GPR6: variants seen among roughly 807,000 people sequenced by gnomAD.
GPR6 encodes G protein-coupled receptor 6, also known as sphingosine 1-phosphate receptor GPR6.
GPR6 carries 14 observed loss-of-function variants against 18.5 expected under a neutral mutation model. The ratio of observed to expected loss-of-function variants is 0.76; its 90% CI spans 0.50 to 1.18. The LOEUF (loss-of-function observed/expected upper bound fraction) is 1.18. GPR6 is among the 50% of genes most tolerant of loss of function. The probability of loss-of-function intolerance (pLI) is 0.00; values close to 1 mark genes in which losing one functional copy is unlikely to be tolerated. For missense variants in GPR6, 477 were observed against 495.9 expected (o/e 0.96, Z 0.36); for synonymous variants, 299 against 240.9 (o/e 1.24, Z -2.23).
rs373934442 is a variant in GPR6 at position 109,979,339 on chromosome 6, A to T, written c.227A>T (p.Asp76Val). The change falls in exon 2 of 2, where the codon GAC (aspartate) becomes GTC (valine). Residue 76 changes from aspartate (D) to valine (V), a missense_variant. Coordinates refer to ENST00000275169, the MANE Select transcript of GPR6 (RefSeq NM_005284.5). ...CTGCTGCCAGCGGTGAATCCGTGGGACGTGCTCCTGTGCGTGTCGGGGACA... is the reference window on the plus strand; with the variant it reads ...CTGCTGCCAGCGGTGAATCCGTGGGTCGTGCTCCTGTGCGTGTCGGGGACA... ...GLLLPAVNPW[D>V]VLLCVSGTVI... is the part of the protein sequence containing the mutation. The T allele has an allele frequency of 5.3e-5, 85 of 1,613,392 alleles. No homozygotes were observed. The highest frequency in any genetic ancestry group is 6.9e-5 in the Non-Finnish European group (82 of 1,179,902).
Position 109,980,241 on chromosome 6 carries a change from A to G in GPR6, c.*40A>G. 4 of 1,611,162 alleles carry G rather than the reference A, an allele frequency of 2.5e-6. No individual in the cohort carries two copies. Among genetic ancestry groups the G allele is most frequent in the Non-Finnish European group, 3.4e-6 (4 of 1,179,046 alleles). ...GTCCTCTCACCAACACCACACCCCA[A>G]CAAGCCAGCCTTTGGTAAGCTCGGT... On this transcript the variant is annotated 3_prime_UTR_variant, in exon 2 of 2. Transcript: ENST00000275169.
Position 109,980,195 on chromosome 6 carries a change from G to A in GPR6, c.1083G>A (p.Glu361=), listed in dbSNP as rs775618208. 6 of 1,614,188 alleles carry A rather than the reference G, an allele frequency of 3.7e-6. No homozygotes were observed. The highest frequency in any genetic ancestry group is 5.1e-6 in the Non-Finnish European group (6 of 1,180,036). The change falls in exon 2 of 2, where the codon GAG becomes GAA. Residue 361 remains glutamate, a synonymous_variant. Transcript: ENST00000275169. The part of the protein sequence containing the change: ...KVPFRSRSPS[E]V ...CCTTTCGTTCCAGGTCTCCCAGCGA[G>A]GTCTGAAGGGCTCGCCCCGTGTCCT...
Position 109,978,462 on chromosome 6 carries a change from C to T in GPR6, c.-24C>T. On this transcript the variant is annotated 5_prime_UTR_variant, in exon 1 of 2. Transcript: ENST00000275169. ...CCAGCGACTTCCAGAAGTCCTGACG[C>T]CCCAGGTGAGTGGCCGAGTTCCCAG... The T allele has an allele frequency of 2.8e-6, 1 of 358,492 alleles. No individual in the cohort carries two copies. The highest frequency in any genetic ancestry group is 5.1e-6 in the Non-Finnish European group (1 of 196,240). The allele number at this position is 358,492 out of a possible 1,614,324, so 22.2% of individuals were successfully genotyped here.
intron 1 of GPR6, chr6:109,978,742 C>A: frequency 1.3e-6 from 2 of 1,535,524 alleles, no homozygotes; most frequent in Non-Finnish European, 1.7e-6. Context: ...ATGTCCTGGT[C>A]GCGCCGCCAC....
Position 109,979,511 on chromosome 6 carries a change from C to T in GPR6, c.399C>T (p.Tyr133=). The T allele has an allele frequency of 1.2e-6, 2 of 1,613,384 alleles. No homozygotes were observed. The highest frequency in any genetic ancestry group is 1.7e-5 in the Admixed American group (1 of 60,030). ...CGLILHFVFQ[Y]LVPSETVSLL... is the part of the protein sequence containing the mutation. ...TCATCTTGCACTTTGTGTTCCAGTA[C>T]TTGGTGCCCTCGGAGACTGTGAGTC... is the stretch of plus-strand genomic sequence containing the variant. Residue 133 remains tyrosine, a synonymous_variant, in exon 2 of 2, where the codon TAC becomes TAT. Coordinates refer to ENST00000275169, the MANE Select transcript of GPR6 (RefSeq NM_005284.5).
Position 109,979,835 on chromosome 6 carries a change from G to A in GPR6, c.723G>A (p.Met241Ile). The A allele has an allele frequency of 3.7e-6, 6 of 1,606,754 alleles. No homozygotes were observed. Among genetic ancestry groups the A allele is most frequent in the Non-Finnish European group, 5.1e-6 (6 of 1,179,570 alleles). ...CCTTCTTCATGGTCTTCGGCATCAT[G>A]CTGCACCTGTACGTGCGCATCTGCC... Reference protein sequence around the residue: ...SAAFFMVFGIMLHLYVRICQV... With the variant: ...SAAFFMVFGIILHLYVRICQV... Residue 241 changes from methionine (M) to isoleucine (I), a missense_variant, in exon 2 of 2, where the codon ATG becomes ATA. Coordinates refer to ENST00000275169, the MANE Select transcript of GPR6 (RefSeq NM_005284.5).
At chr6:109,978,748 G>A (rs1187101051) in intron 1 of GPR6, 1 of 1,535,636 alleles carries the variant, frequency 6.5e-7, no homozygotes, top group Non-Finnish European at 8.7e-7. Flanking sequence ...TGGTCGCGCC[G>A]CCACAACCCA....
Position 109,979,545 on chromosome 6 carries a change from G to A in GPR6, c.433G>A (p.Val145Met), listed in dbSNP as rs1771032430. ...CTCGGAGACTGTGAGTCTGCTCACG[G>A]TGGGCTTCCTCGTGGCCTCCTTCGC... ...VPSETVSLLT[V>M]GFLVASFAAS... is the part of the protein sequence containing the mutation. The change falls in exon 2 of 2, where the codon GTG (valine) becomes ATG (methionine). Residue 145 changes from valine to methionine, a missense_variant. Transcript: ENST00000275169. 1.2e-6 allele frequency: 2 copies of A among 1,612,826 alleles called. No individual in the cohort carries two copies. The highest frequency in any genetic ancestry group is 1.3e-5 in the African/African-American group (1 of 74,952).
chr6:109,979,334 G>T lies in GPR6; in HGVS notation c.222G>T (p.Pro74=). The change falls in exon 2 of 2, where the codon CCG becomes CCT. Residue 74 remains proline, a synonymous_variant. Transcript: ENST00000275169. ...GACTCCTGCTGCCAGCGGTGAATCC[G>T]TGGGACGTGCTCCTGTGCGTGTCGG... ...PPGLLLPAVN[P]WDVLLCVSGT... 2 of 1,613,730 alleles carry T rather than the reference G, an allele frequency of 1.2e-6. No individual in the cohort carries two copies. The highest frequency in any genetic ancestry group is 1.7e-6 in the Non-Finnish European group (2 of 1,179,944).
chr6:109,978,889 A>G, intron 1 of GPR6: 1 of 1,529,562 alleles, frequency 6.5e-7, no homozygotes, highest in Non-Finnish European at 8.8e-7. Flanking sequence ...GCAAAAACTC[A>G]GAAGTCCGCG....
At position 109,979,983 on chromosome 6, in the gene GPR6, A is replaced by G. The variant is rs1341458653; in HGVS notation, c.871A>G (p.Ser291Gly). 6.2e-7 allele frequency: 1 copy of G among 1,613,124 alleles called. No homozygotes were observed. Among genetic ancestry groups the G allele is most frequent in the Non-Finnish European group, 8.5e-7 (1 of 1,180,028 alleles). ...LAVVLGTFGA[S>G]WLPFAIYCVV... is the part of the protein sequence containing the mutation. ...TGTGGTGCTGGGCACTTTCGGCGCC[A>G]GCTGGCTGCCCTTCGCCATCTATTG... Residue 291 changes from serine (S) to glycine (G), a missense_variant, in exon 2 of 2, where the codon AGC (serine) becomes GGC (glycine). Transcript: ENST00000275169.
Position 109,979,664 on chromosome 6 carries a change from C to G in GPR6, c.552C>G (p.Gly184=). 1 of 1,611,470 alleles carries G rather than the reference C, an allele frequency of 6.2e-7. No homozygotes were observed. The highest frequency in any genetic ancestry group is 2.2e-5 in the East Asian group (1 of 44,848). The change falls in exon 2 of 2, where the codon GGC becomes GGG. Residue 184 remains glycine (G), a synonymous_variant. Transcript: ENST00000275169. ...LTYYSRRTLL[G]VHLLLAATWT... Reference sequence around the variant, plus strand: ...ATTACTCGCGCCGGACCCTGTTGGGCGTGCACCTCCTGCTTGCCGCCACTT... The same window carrying G: ...ATTACTCGCGCCGGACCCTGTTGGGGGTGCACCTCCTGCTTGCCGCCACTT...
chr6:109,979,843 T>C lies in GPR6; in HGVS notation c.731T>C (p.Leu244Pro). The C allele has an allele frequency of 1.2e-6, 2 of 1,607,742 alleles. No homozygotes were observed. The change falls in exon 2 of 2, where the codon CTG becomes CCG. Residue 244 changes from leucine to proline, a missense_variant. Transcript: ENST00000275169. ...ATGGTCTTCGGCATCATGCTGCACC[T>C]GTACGTGCGCATCTGCCAGGTGGTC... ...FFMVFGIMLH[L>P]YVRICQVVWR...
intron 1 of GPR6, chr6:109,978,725 C>A (rs2114345667): frequency 6.5e-7 from 1 of 1,535,162 alleles, no homozygotes; most frequent in Non-Finnish European, 8.7e-7. Context: ...TGCCCAGCCC[C>A]ATGGGGATGT....
Position 109,979,200 on chromosome 6 carries a change from G to T in GPR6, c.88G>T (p.Gly30Trp), listed in dbSNP as rs573522362. 1.9e-6 allele frequency: 3 copies of T among 1,599,960 alleles called. No homozygotes were observed. In the South Asian group the frequency reaches 3.3e-5, roughly 18 times the overall value. ...GGCGGCGGCGGCCACAGCAGCAGGG[G>T]GGCCGGACACGGGCGAATGGGGACC... is the stretch of plus-strand genomic sequence containing the variant. ...GAAAAATAAG[G>W]PDTGEWGPPA... The change falls in exon 2 of 2, where the codon GGG (glycine) becomes TGG (tryptophan). Residue 30 changes from glycine (G) to tryptophan (W), a missense_variant. Transcript: ENST00000275169.
chr6:109,980,001 A>C lies in GPR6; in HGVS notation c.889A>C (p.Ile297Leu). Reference protein sequence around the residue: ...TFGASWLPFAIYCVVGSHEDP... With the variant: ...TFGASWLPFALYCVVGSHEDP... ...CGGCGCCAGCTGGCTGCCCTTCGCC[A>C]TCTATTGCGTGGTGGGCAGCCATGA... Residue 297 changes from isoleucine to leucine, a missense_variant, in exon 2 of 2, where the codon ATC (isoleucine) becomes CTC (leucine). Physicochemically the swap from Ile to Leu is conservative, Grantham distance 5. Transcript: ENST00000275169. The C allele has an allele frequency of 2.5e-6, 4 of 1,613,416 alleles. No individual in the cohort carries two copies. In the Admixed American group the frequency reaches 5.0e-5, roughly 20 times the overall value.
At chr6:109,978,669 G>C in intron 1 of GPR6, 1 of 1,426,848 alleles carries the variant, frequency 7.0e-7, no homozygotes, top group Non-Finnish European at 9.5e-7. Flanking sequence ...TCCAGGCTTC[G>C]CAATGCCAGA....
In GPR6 at chr6:109,979,509, T is replaced by C; in HGVS notation, c.397T>C (p.Tyr133His). Residue 133 changes from tyrosine to histidine, a missense_variant, in exon 2 of 2, where the codon TAC becomes CAC. Coordinates refer to ENST00000275169, the MANE Select transcript of GPR6 (RefSeq NM_005284.5). ...CCTCATCTTGCACTTTGTGTTCCAG[T>C]ACTTGGTGCCCTCGGAGACTGTGAG... ...CGLILHFVFQYLVPSETVSLL... is the reference protein window; with the variant it reads ...CGLILHFVFQHLVPSETVSLL... 6.2e-7 allele frequency: 1 copy of C among 1,613,336 alleles called. No homozygotes were observed. Among genetic ancestry groups the C allele is most frequent in the Non-Finnish European group, 8.5e-7 (1 of 1,179,998 alleles).
chr6:109,979,769 G>A lies in GPR6; in HGVS notation c.657G>A (p.Val219=), dbSNP rs1037248493. The A allele has an allele frequency of 1.1e-5, 18 of 1,597,316 alleles. No homozygotes were observed. Among genetic ancestry groups the A allele is most frequent in the African/African-American group, 8.0e-5 (6 of 74,726 alleles). ...CLAERAACSV[V]RPLARSHVAL... ...CAGAGCGCGCCGCCTGCAGCGTGGT[G>A]CGCCCGCTGGCGCGCAGCCACGTGG... is the stretch of plus-strand genomic sequence containing the variant. Residue 219 remains valine (V), a synonymous_variant, in exon 2 of 2, where the codon GTG becomes GTA. Coordinates refer to ENST00000275169, the MANE Select transcript of GPR6 (RefSeq NM_005284.5).
Sources: allele counts gnomAD v4.1 joint callset, GRCh38; gene constraint gnomAD v4.1.1; transcripts MANE v1.5; gene names NCBI Gene and HGNC (gene_info 2026-07-23, HGNC 2026-07-21).